Variants in MEF2C observed in about 807,000 individuals in gnomAD.
MEF2C encodes the protein myocyte enhancer factor 2C.
MEF2C carries 6 observed loss-of-function variants against 50.5 expected under a neutral mutation model. The observed-to-expected ratio is 0.12, with a 90% CI of 0.07 to 0.23. The LOEUF is 0.23. Ranked by LOEUF, MEF2C falls within the 10% of genes least tolerant of loss-of-function variation. MEF2C has a pLI of 1.00. For missense variants in MEF2C, 276 were observed against 605.0 expected, an observed-to-expected ratio of 0.46 and a Z score of 5.70; for synonymous variants, 183 against 228.0, an observed-to-expected ratio of 0.80 and a Z score of 1.78.
chr5:88,752,774 A>C, intron 4 of MEF2C: 2 of 985,400 alleles, frequency 2.0e-6, no homozygotes, highest in South Asian at 4.7e-5. Flanking sequence ...AGATTAATCC[A>C]GGTTTCAATG....
At chr5:88,882,924 T>C (rs1833404652) in intron 1 of MEF2C, 31 bp downstream of exon 1, 3 of 152,192 alleles carry the variant, frequency 2.0e-5, no homozygotes, top group Admixed American at 2.0e-4. Flanking sequence ...CCGGGTTTTC[T>C]ATTTCCTCGA....
rs761330970 is a variant in MEF2C, at chr5:88,720,119, T to G, written c.*2485A>C. 4 of 152,192 alleles carry G rather than the reference T, an allele frequency of 2.6e-5. No homozygotes were observed. Among genetic ancestry groups the G allele is most frequent in the African/African-American group, 4.8e-5 (2 of 41,468 alleles). The allele number at this position is 152,192 out of a possible 1,614,324, so 9.4% of individuals were successfully genotyped here. On this transcript the variant is annotated 3_prime_UTR_variant, in exon 11 of 11. Transcript: ENST00000504921. ...TGACAAAGAACATTTGTGAAATGTT[T>G]GCATATTTTATACACATCAAGTTAG...
intron 6 of MEF2C, chr5:88,737,652 G>A (rs1252027840): frequency 1.0e-6 from 1 of 985,260 alleles, no homozygotes; most frequent in Non-Finnish European, 1.2e-6. Flanking sequence ...GAATTTATCA[G>A]ATGGTTCAGA....
chr5:88,743,382 G>T (rs1767775702), intron 6 of MEF2C: 3 of 985,276 alleles, frequency 3.0e-6, no homozygotes, highest in Non-Finnish European at 3.6e-6. Context: ...AGTCAGCCAA[G>T]AAATTTTTGA....
chr5:88,873,708 ATTTTTTTTTTTTTTT>A lies in MEF2C; in HGVS notation c.-143+9232_-143+9246del, dbSNP rs199642010. 1.7e-3 allele frequency among the ~76,000 whole-genome samples: 164 copies of A among 93,812 alleles called. 1 individual carries two copies. Among genetic ancestry groups the A allele is most frequent in the Admixed American group, 1.6e-3 (14 of 8,640 alleles). The allele number at this position is 93,812 out of a possible 152,430, so 61.5% of individuals were successfully genotyped here. A position where few individuals can be genotyped will look rare whatever the true frequency, so the allele number is the denominator to read the frequency against. On this transcript the variant is annotated intron_variant, in intron 1 of 10. Transcript: ENST00000504921. ...TGCAAATCTATCAATGTCGTCACGG[ATTTTTTTTTTTTTTT>A]TTTTTTTTTTTTTTTGGTTTATGTA...
intron 3 of MEF2C, among the ~76,000 whole-genome samples, chr5:88,799,654 T>G (rs893328086): frequency 6.6e-6 from 1 of 152,216 alleles, no homozygotes; most frequent in African/African-American, 2.4e-5. Context: ...TTTAAGGCTT[T>G]TCCCATCCCA....
At chr5:88,822,816 T>G (rs1809043801) in intron 2 of MEF2C, among the ~76,000 whole-genome samples, 1 of 151,956 alleles carries the variant, frequency 6.6e-6, no homozygotes, top group African/African-American at 2.4e-5. Flanking sequence ...CAAAACACTC[T>G]TCTCTTCCAC....
chr5:88,855,228 G>A (rs1267666972), intron 1 of MEF2C, among the ~76,000 whole-genome samples: 1 of 152,034 alleles, frequency 6.6e-6, no homozygotes, highest in Non-Finnish European at 1.5e-5. Context: ...GAATATATAG[G>A]AAGCATTTAA....
chr5:88,820,261 T>A (rs896838793), intron 2 of MEF2C, among the ~76,000 whole-genome samples: 33 of 152,056 alleles, frequency 2.2e-4, no homozygotes, highest in African/African-American at 7.2e-4. Flanking sequence ...TGCCAAAAAA[T>A]TTTTTTAAAT....
intron 3 of MEF2C, among the ~76,000 whole-genome samples, chr5:88,801,696 C>A (rs370015893): frequency 2.0e-5 from 3 of 151,974 alleles, no homozygotes; most frequent in Admixed American, 6.6e-5. Context: ...CCATGTTAGC[C>A]CCGATGATCT....
At chr5:88,824,219 A>C in intron 1 of MEF2C, 1 of 976,528 alleles carries the variant, frequency 1.0e-6, no homozygotes, top group East Asian at 1.1e-4. Flanking sequence ...TTTTTGTAAA[A>C]AGTTTCCTAA....
intron 1 of MEF2C, among the ~76,000 whole-genome samples, chr5:88,828,295 G>A (rs1251612622): frequency 6.6e-6 from 1 of 151,922 alleles, no homozygotes; most frequent in African/African-American, 2.4e-5. Context: ...TCTTTGCAAA[G>A]CATGTATTTT....
At chr5:88,844,714 T>C (rs184474894) in intron 1 of MEF2C, 106 of 365,012 alleles carry the variant, frequency 2.9e-4, no homozygotes, top group Admixed American at 1.0e-3. Context: ...CTTTTCCTCA[T>C]GGTTAAAATT....
chr5:88,847,631 C>T (rs1009695721), intron 1 of MEF2C, among the ~76,000 whole-genome samples: 14 of 152,016 alleles, frequency 9.2e-5, no homozygotes, highest in African/African-American at 3.4e-4. Flanking sequence ...CTGAGTACAG[C>T]GACAATTCTC....
chr5:88,752,065 C>T, intron 4 of MEF2C, 22 bp from the exon 5 acceptor site: 1 of 1,575,714 alleles, frequency 6.3e-7, no homozygotes. Flanking sequence ...GAAAACAAAA[C>T]AAAGGTAAAA....
At chr5:88,889,267 G>C (rs1362630968) in intron 1 of MEF2C, 1 of 152,330 alleles carries the variant, frequency 6.6e-6, no homozygotes, top group African/African-American at 2.4e-5. Context: ...ATCCGCTCTG[G>C]CTGGGCGTTC....
Position 88,799,907 on chromosome 5 carries a change from CACACACAG to C in MEF2C, c.258+4683_258+4690del, listed in dbSNP as rs758046606. Among the ~76,000 whole-genome samples the C allele has an allele frequency of 2.3e-3, 212 of 90,864 alleles. 1 individual carries two copies. The highest frequency in any genetic ancestry group is 0.01 in the Middle Eastern group (2 of 200). 59.6% of individuals were successfully genotyped at this position (90,864 alleles called of 152,430 possible). A position where few individuals can be genotyped will look rare whatever the true frequency, so the allele number is the denominator to read the frequency against. On this transcript the variant is annotated intron_variant, in intron 3 of 10. Coordinates refer to ENST00000504921, the MANE Select transcript of MEF2C (RefSeq NM_002397.5). ...ACACACACACACACACACACACACA[CACACACAG>C]AGAGAGAGACACACATGTTCTTCCT... is the stretch of plus-strand genomic sequence containing the variant.
intron 3 of MEF2C, 70 bp downstream of exon 3, chr5:88,804,528 T>G: frequency 7.5e-7 from 1 of 1,331,654 alleles, no homozygotes; most frequent in Non-Finnish European, 1.1e-6. Flanking sequence ...TGTGTATGTG[T>G]GTGTGGCAGG....
Position 88,821,384 on chromosome 5 carries a change from G to T in MEF2C, c.54+2351C>A, listed in dbSNP as rs549601164. On this transcript the variant is annotated intron_variant, in intron 2 of 10. Transcript: ENST00000504921. ...TCTCGGGTCCTAGTGGTCCCCAAGT[G>T]GTTGGGAACACAGGTGCATGCCACT... 2.0e-5 allele frequency among the ~76,000 whole-genome samples: 3 copies of T among 151,814 alleles called. No homozygotes were observed. The South Asian group carries it at 6.2e-4, about 32-fold the overall frequency.
Sources: gnomAD v4.1 joint callset for allele counts (sites outside exome capture counted in the v4.1 genomes callset) on GRCh38, gnomAD v4.1.1 for gene constraint, MANE v1.5 for transcripts, NCBI Gene and HGNC (gene_info 2026-07-23, HGNC 2026-07-21) for gene names.